Variants in RASSF3 observed in about 807,000 individuals in gnomAD.
RASSF3 encodes the protein ras association domain-containing protein 3.
In RASSF3, 19 loss-of-function variants were observed where a neutral mutation model predicts 19.9. The observed-to-expected ratio is 0.96, with a 90% CI of 0.67 to 1.40. RASSF3 has a LOEUF of 1.40. Ranked by LOEUF, RASSF3 falls within the 40% of genes most tolerant of loss-of-function variation. The pLI is 0.00. For synonymous variants in RASSF3, 110 were observed against 104.2 expected (o/e 1.06, Z -0.34); for missense variants, 306 against 289.8 (o/e 1.06, Z -0.41).
At chr12:64,676,209 G>C (rs1389041192) in intron 1 of RASSF3, among the ~76,000 whole-genome samples, 3 of 104,182 alleles carry the variant, frequency 2.9e-5, no homozygotes, top group Non-Finnish European at 5.5e-5. Flanking sequence ...TTTCGCTCTT[G>C]TTGCCCAGGC....
chr12:64,576,814 G>C (rs894291579), intron 2 of RASSF3, among the ~76,000 whole-genome samples: 4 of 143,126 alleles, frequency 2.8e-5, no homozygotes, highest in Non-Finnish European at 6.0e-5. Flanking sequence ...CTGGGCCACT[G>C]CACTCCAGCC....
At chr12:64,530,837 C>T (rs1244795767), upstream of RASSF3, among the ~76,000 whole-genome samples, 1 of 152,128 alleles carries the variant, frequency 6.6e-6, no homozygotes, top group East Asian at 1.9e-4. Context: ...AGCATCTTTT[C>T]ATGTACTTGT....
intron 1 of RASSF3, among the ~76,000 whole-genome samples, chr12:64,631,341 C>A (rs1246735407): frequency 6.6e-6 from 1 of 152,026 alleles, no homozygotes; most frequent in African/African-American, 2.4e-5. Flanking sequence ...CTCTGGAGAC[C>A]TTGAGGAGAG....
At chr12:64,685,466 A>G (rs1873312174) in intron 2 of RASSF3, among the ~76,000 whole-genome samples, 1 of 151,996 alleles carries the variant, frequency 6.6e-6, no homozygotes, top group African/African-American at 2.4e-5. Context: ...GCTCATCTCA[A>G]ATTCCTTGGC....
chr12:64,511,609 G>A (rs1308238618), intron 1 of RASSF3, among the ~76,000 whole-genome samples: 1 of 152,170 alleles, frequency 6.6e-6, no homozygotes, highest in African/African-American at 2.4e-5. Context: ...GGGCACTTTG[G>A]GGTTCCCAGC....
At chr12:64,623,975 T>A (rs1870892363) in intron 1 of RASSF3, among the ~76,000 whole-genome samples, 1 of 151,920 alleles carries the variant, frequency 6.6e-6, no homozygotes, top group African/African-American at 2.4e-5. Flanking sequence ...ATTGCTTTCT[T>A]GCTTTTCCTC....
intron 1 of RASSF3, among the ~76,000 whole-genome samples, chr12:64,650,941 G>A (rs758204359): frequency 7.2e-5 from 11 of 152,258 alleles, no homozygotes; most frequent in Non-Finnish European, 1.6e-4. Context: ...CGATTGTATG[G>A]CTGGCTCTTT....
intron 2 of RASSF3, among the ~76,000 whole-genome samples, chr12:64,596,338 C>T (rs996019656): frequency 3.9e-5 from 6 of 152,166 alleles, no homozygotes; most frequent in African/African-American, 1.4e-4. Context: ...TTCAGAGGGA[C>T]AAGGGGAAAG....
rs888564684 is a variant in RASSF3 at position 64,697,032 on chromosome 12, TA to T, written c.*2123del. On this transcript the variant is annotated 3_prime_UTR_variant, in exon 5 of 5. Coordinates refer to ENST00000542104, the MANE Select transcript of RASSF3 (RefSeq NM_178169.4). ...CTCAGATTAAGACACTGTTAGAACC[TA>T]AAGTAGTAGCTGATGGGTATCTGTG... 6.6e-6 allele frequency: 1 copy of T among 151,854 alleles called. No homozygotes were observed. The highest frequency in any genetic ancestry group is 1.5e-5 in the Non-Finnish European group (1 of 67,982). 9.4% of individuals were successfully genotyped at this position (151,854 alleles called of 1,614,324 possible).
chr12:64,694,510 GTC>G (rs1868326723), intron 4 of RASSF3, among the ~76,000 whole-genome samples: 1 of 152,184 alleles, frequency 6.6e-6, no homozygotes, highest in South Asian at 2.1e-4. Context: ...GGATATGGAG[GTC>G]TCTGGCTTTT....
At chr12:64,599,630 C>T (rs1223901855) in intron 2 of RASSF3, among the ~76,000 whole-genome samples, 2 of 152,120 alleles carry the variant, frequency 1.3e-5, no homozygotes, top group African/African-American at 4.8e-5. Flanking sequence ...GGAGGGTGAA[C>T]GTGGGAGCTC....
At chr12:64,610,332 C>G (rs994617491), upstream of RASSF3, among the ~76,000 whole-genome samples, 2 of 150,268 alleles carry the variant, frequency 1.3e-5, no homozygotes, top group Non-Finnish European at 3.0e-5. Context: ...GGGCCGGGCT[C>G]CCCCCACCTG....
chr12:64,564,732 T>C (rs1318774545), intron 2 of RASSF3, among the ~76,000 whole-genome samples: 1 of 152,028 alleles, frequency 6.6e-6, no homozygotes, highest in Non-Finnish European at 1.5e-5. Flanking sequence ...AAATGCGTTA[T>C]TGAAGAAAAC....
intron 2 of RASSF3, among the ~76,000 whole-genome samples, chr12:64,603,711 T>C (rs1870135295): frequency 6.6e-6 from 1 of 152,242 alleles, no homozygotes; most frequent in Admixed American, 6.5e-5. Context: ...ACTTAATCCC[T>C]TTAAGAATCC....
chr12:64,545,000 A>T (rs1869027938), downstream of RASSF3, among the ~76,000 whole-genome samples: 1 of 152,214 alleles, frequency 6.6e-6, no homozygotes, highest in Admixed American at 6.5e-5. Context: ...GCTAATGGGG[A>T]ATCTGTAAAG....
intron 1 of RASSF3, among the ~76,000 whole-genome samples, chr12:64,616,491 C>T (rs1351312265): frequency 1.3e-5 from 2 of 152,202 alleles, no homozygotes; most frequent in South Asian, 2.1e-4. Context: ...TTTTCCACCC[C>T]CAAGTCTCCA....
At chr12:64,649,959 G>A (rs572694590) in intron 1 of RASSF3, among the ~76,000 whole-genome samples, 1 of 152,308 alleles carries the variant, frequency 6.6e-6, no homozygotes, top group Admixed American at 6.5e-5. Context: ...GTATGCTCTT[G>A]TGTAGTTTTC....
intron 1 of RASSF3, among the ~76,000 whole-genome samples, chr12:64,622,049 C>G (rs976541744): frequency 6.6e-6 from 1 of 151,776 alleles, no homozygotes; most frequent in East Asian, 1.9e-4. Flanking sequence ...TTAGAAGAAC[C>G]TAACTTATTT....
At chr12:64,594,684 C>G (rs1869972529) in intron 2 of RASSF3, among the ~76,000 whole-genome samples, 1 of 152,134 alleles carries the variant, frequency 6.6e-6, no homozygotes, top group Non-Finnish European at 1.5e-5. Flanking sequence ...AGAGAAACAG[C>G]AGACTCAGGG....
Sources: allele counts gnomAD v4.1 joint callset (sites outside exome capture counted in the v4.1 genomes callset), GRCh38; gene constraint gnomAD v4.1.1; transcripts MANE v1.5; gene names NCBI Gene and HGNC (gene_info 2026-07-23, HGNC 2026-07-21).